NSUN7: variants seen among roughly 807,000 people sequenced by gnomAD.
NSUN7 encodes the protein NOP2/Sun RNA methyltransferase family member 7, also known as protein NSUN7.
NSUN7 carries 39 observed loss-of-function variants against 58.5 expected under a neutral mutation model. The observed-to-expected ratio is 0.67, with a 90% confidence interval of 0.52 to 0.87. The LOEUF (loss-of-function observed/expected upper bound fraction) is 0.87, where lower values mean the gene tolerates loss of function less well. Ranked by LOEUF, NSUN7 falls within the 40% of genes least tolerant of loss-of-function variation. NSUN7 has a pLI of 0.00. For synonymous variants in NSUN7, 278 were observed against 303.7 expected (o/e 0.92, Z 0.88); for missense variants, 765 against 844.1 (o/e 0.91, Z 1.16).
chr4:40,769,086 A>G (rs1050485327), intron 4 of NSUN7, among the ~76,000 whole-genome samples: 2 of 152,148 alleles, frequency 1.3e-5, no homozygotes, highest in African/African-American at 4.8e-5. Flanking sequence ...CTAATGCATC[A>G]AGTCCTGTAA....
In NSUN7 at chr4:40,773,948, G is replaced by A. The variant is rs1043494543; in HGVS notation, c.489-317G>A. Reference sequence around the variant, plus strand: ...CGAGTAGCTGGGATTACAGGCGCCCGCCACCACGCCCGGCTAATTTTGTAT... The same window carrying A: ...CGAGTAGCTGGGATTACAGGCGCCCACCACCACGCCCGGCTAATTTTGTAT... On this transcript the variant is annotated intron_variant, in intron 4 of 11. Transcript: ENST00000381782. 1.2e-4 allele frequency among the ~76,000 whole-genome samples: 19 copies of A among 152,018 alleles called. 1 individual carries two copies. Among genetic ancestry groups the A allele is most frequent in the South Asian group, 4.2e-4 (2 of 4,816 alleles).
chr4:40,750,500 C>A, intron 1 of NSUN7, 103 bp from the exon 2 acceptor site: 1 of 542,642 alleles, frequency 1.8e-6, no homozygotes, highest in Non-Finnish European at 3.2e-6. Context: ...TCAGATGGGA[C>A]GGGAAATGCT....
intron 7 of NSUN7, among the ~76,000 whole-genome samples, chr4:40,790,107 G>A: frequency 7.7e-6 from 1 of 129,552 alleles, no homozygotes; most frequent in South Asian, 2.7e-4. Flanking sequence ...GAACATAAAA[G>A]GGGATAAAGA....
chr4:40,792,332 TA>T (rs1743106420), intron 8 of NSUN7, among the ~76,000 whole-genome samples: 1 of 151,786 alleles, frequency 6.6e-6, no homozygotes, highest in Non-Finnish European at 1.5e-5. Context: ...AAAAATAAAC[TA>T]AAGGCTAGAG....
chr4:40,751,444 T>C (rs1220358234), intron 2 of NSUN7, among the ~76,000 whole-genome samples: 1 of 152,088 alleles, frequency 6.6e-6, no homozygotes, highest in East Asian at 1.9e-4. Flanking sequence ...TTTCTTTCCA[T>C]TCCCTGTGTT....
intron 2 of NSUN7, among the ~76,000 whole-genome samples, chr4:40,758,548 A>G (rs1256232840): frequency 6.6e-6 from 1 of 152,076 alleles, no homozygotes; most frequent in Non-Finnish European, 1.5e-5. Context: ...AATTTAGGCC[A>G]GGCATGGTGT....
At chr4:40,791,975 A>G (rs1179212890) in intron 8 of NSUN7, among the ~76,000 whole-genome samples, 4 of 152,170 alleles carry the variant, frequency 2.6e-5, no homozygotes, top group Non-Finnish European at 4.4e-5. Context: ...GGGTTAGCAC[A>G]TTTTCCTTCC....
At chr4:40,796,523 G>A (rs548710268) in intron 9 of NSUN7, among the ~76,000 whole-genome samples, 3 of 151,896 alleles carry the variant, frequency 2.0e-5, no homozygotes, top group Non-Finnish European at 4.4e-5. Flanking sequence ...CAGGCTACTC[G>A]GGAGACTGAA....
At chr4:40,801,977 A>G (rs1241271995) in intron 10 of NSUN7, among the ~76,000 whole-genome samples, 3 of 151,956 alleles carry the variant, frequency 2.0e-5, no homozygotes, top group South Asian at 2.1e-4. Flanking sequence ...ATTTGTATCA[A>G]TGTTTTCCTT....
intron 8 of NSUN7, among the ~76,000 whole-genome samples, chr4:40,793,348 A>T (rs1248854469): frequency 1.3e-5 from 2 of 152,164 alleles, no homozygotes; most frequent in Admixed American, 1.3e-4. Flanking sequence ...AGGCTGAGGC[A>T]TGAGAATTGC....
At position 40,752,036 on chromosome 4, in the gene NSUN7, A is replaced by G. The variant is rs368210492; in HGVS notation, c.298+1045A>G. 3.9e-4 allele frequency among the ~76,000 whole-genome samples: 59 copies of G among 152,312 alleles called. 1 individual carries two copies. Among genetic ancestry groups the G allele is most frequent in the African/African-American group, 1.4e-3 (57 of 41,576 alleles). On this transcript the variant is annotated intron_variant, in intron 2 of 11. Coordinates refer to ENST00000381782, the MANE Select transcript of NSUN7 (RefSeq NM_024677.6). ...GACCAAATATTGCTACTATGAGGAG[A>G]GCAGTCAAAAGGCTTGAAGTTGTTT...
intron 2 of NSUN7, among the ~76,000 whole-genome samples, chr4:40,752,609 A>G (rs192051116): frequency 0.011 from 1,622 of 152,016 alleles, 35 homozygotes; most frequent in African/African-American, 0.036. Context: ...TTTAGTAGAG[A>G]CGGGGTTTCA....
At position 40,806,108 on chromosome 4, in the gene NSUN7, C is replaced by T. The variant is rs1027848693; in HGVS notation, c.1401-953C>T. 2.0e-5 allele frequency among the ~76,000 whole-genome samples: 3 copies of T among 152,160 alleles called. No individual in the cohort carries two copies. The East Asian group carries it at 5.8e-4, about 29-fold the overall frequency. ...CTCTCAGGTTCAAGCAATTCTCTTG[C>T]CTCAGCCTCCCGAGTAGCTGGGATT... On this transcript the variant is annotated intron_variant, in intron 10 of 11. Coordinates refer to ENST00000381782, the MANE Select transcript of NSUN7 (RefSeq NM_024677.6).
chr4:40,783,551 A>G (rs1025885016), intron 7 of NSUN7, among the ~76,000 whole-genome samples: 1 of 152,134 alleles, frequency 6.6e-6, no homozygotes, highest in Admixed American at 6.6e-5. Context: ...TCACTATCAA[A>G]AAACTGAAAA....
At chr4:40,789,945 G>T (rs1177876644) in intron 7 of NSUN7, among the ~76,000 whole-genome samples, 1 of 151,984 alleles carries the variant, frequency 6.6e-6, no homozygotes, top group Non-Finnish European at 1.5e-5. Context: ...AGGGAAGGCA[G>T]ACTCTCTTAA....
Position 40,753,513 on chromosome 4 carries a change from C to T in NSUN7, c.298+2522C>T, listed in dbSNP as rs945631185. ...GTCTTGAACTCCTGACCTCGTGATC[C>T]ACCTGCCTTGGCCTCCCAAAGTGCT... On this transcript the variant is annotated intron_variant, in intron 2 of 11. Coordinates refer to ENST00000381782, the MANE Select transcript of NSUN7 (RefSeq NM_024677.6). 2.6e-5 allele frequency among the ~76,000 whole-genome samples: 4 copies of T among 152,248 alleles called. No homozygotes were observed. The East Asian group carries it at 7.7e-4, about 29-fold the overall frequency.
At position 40,808,828 on chromosome 4, in the gene NSUN7, C is replaced by A; in HGVS notation, c.2046C>A (p.Pro682=). The A allele has an allele frequency of 1.3e-6, 2 of 1,549,792 alleles. No individual in the cohort carries two copies. The highest frequency in any genetic ancestry group is 1.7e-6 in the Non-Finnish European group (2 of 1,146,724). ...TQHLYCRWVA[P]KALVPTCLPT... is the part of the protein sequence containing the mutation. ...ATTTGTACTGTCGTTGGGTTGCACC[C>A]AAGGCACTTGTGCCCACCTGCCTTC... The change falls in exon 12 of 12, where the codon CCC becomes CCA. Residue 682 remains proline, a synonymous_variant. Transcript: ENST00000381782.
intron 4 of NSUN7, among the ~76,000 whole-genome samples, chr4:40,773,943 C>T (rs892309866): frequency 4.5e-4 from 68 of 152,054 alleles, no homozygotes; most frequent in Non-Finnish European, 8.2e-4. Context: ...GGATTACAGG[C>T]GCCCGCCACC....
intron 4 of NSUN7, among the ~76,000 whole-genome samples, chr4:40,769,652 G>A (rs1000516166): frequency 6.6e-6 from 1 of 152,174 alleles, no homozygotes; most frequent in African/African-American, 2.4e-5. Flanking sequence ...GCATTTTTGG[G>A]ATAAGGCACA....
Sources: gnomAD v4.1 joint callset for allele counts (sites outside exome capture counted in the v4.1 genomes callset) on GRCh38, gnomAD v4.1.1 for gene constraint, MANE v1.5 for transcripts, NCBI Gene and HGNC (gene_info 2026-07-23, HGNC 2026-07-21) for gene names.